The following SEPTIN7 variants were observed in gnomAD, a reference collection of about 807,000 sequenced individuals.
SEPTIN7 encodes septin-7.
Under a neutral mutation model 63.3 loss-of-function variants are expected in SEPTIN7, and 10 were observed. The ratio of observed to expected loss-of-function variants is 0.16; its 90% CI spans 0.10 to 0.27. The LOEUF is 0.27. Among genes scored for constraint, SEPTIN7 ranks in the 10% least tolerant of loss-of-function variants. SEPTIN7 has a pLI of 1.00. For synonymous variants in SEPTIN7, 131 were observed against 165.3 expected, an observed-to-expected ratio of 0.79 and a Z score of 1.59; for missense variants, 310 against 521.0, an observed-to-expected ratio of 0.59 and a Z score of 3.94.
rs1182500220 is a variant in SEPTIN7 at position 35,906,760 on chromosome 7, A to G, written c.*2467A>G. On this transcript the variant is annotated 3_prime_UTR_variant, in exon 14 of 14. Coordinates refer to ENST00000350320, the MANE Select transcript of SEPTIN7 (RefSeq NM_001788.6). Reference sequence around the variant, plus strand: ...GGAGATACCCATGCCTCTCAGACTCATTAGCTGGGTGTCACATTACCACCT... The same window carrying G: ...GGAGATACCCATGCCTCTCAGACTCGTTAGCTGGGTGTCACATTACCACCT... The G allele has an allele frequency of 2.0e-5, 3 of 152,204 alleles. No individual in the cohort carries two copies. In the East Asian group the frequency reaches 5.8e-4, roughly 29 times the overall value. The allele number at this position is 152,204 out of a possible 1,614,324, so 9.4% of individuals were successfully genotyped here. A position where few individuals can be genotyped will look rare whatever the true frequency, so the allele number is the denominator to read the frequency against.
chr7:35,869,410 A>G (rs1160979428), intron 4 of SEPTIN7, among the ~76,000 whole-genome samples: 1 of 152,196 alleles, frequency 6.6e-6, no homozygotes, highest in Admixed American at 6.5e-5. Context: ...AATAAGCAAA[A>G]TAGATAGTTT....
intron 9 of SEPTIN7, among the ~76,000 whole-genome samples, chr7:35,884,282 A>C (rs1787086474): frequency 6.6e-6 from 1 of 152,174 alleles, no homozygotes; most frequent in African/African-American, 2.4e-5. Flanking sequence ...AAACGTTTTG[A>C]GCACTGACAT....
At chr7:35,913,010 T>C in the SEPTIN7 span, among the ~76,000 whole-genome samples, 7 of 152,208 alleles carry the variant, frequency 4.6e-5, no homozygotes, top group African/African-American at 1.7e-4. Context: ...CAGGGAGCAC[T>C]GTAGTGGAAA....
At position 35,890,556 on chromosome 7, in the gene SEPTIN7, T is replaced by C. The variant is rs1015062906; in HGVS notation, c.873-112T>C. ...CCTTAACAATAGTCTTTTGTTCATT[T>C]TAAATCTGAAATTTTTGTTTTGGTA... On this transcript the variant is annotated intron_variant, in intron 10 of 13. Coordinates refer to ENST00000350320, the MANE Select transcript of SEPTIN7 (RefSeq NM_001788.6). 17 of 944,558 alleles carry C rather than the reference T, an allele frequency of 1.8e-5. No individual in the cohort carries two copies. The African/African-American group carries it at 2.9e-4, about 16-fold the overall frequency. The allele number at this position is 944,558 out of a possible 1,614,324, so 58.5% of individuals were successfully genotyped here. A position where few individuals can be genotyped will look rare whatever the true frequency, so the allele number is the denominator to read the frequency against.
intron 6 of SEPTIN7, among the ~76,000 whole-genome samples, chr7:35,875,496 G>T (rs1786417531): frequency 6.6e-6 from 1 of 152,116 alleles, no homozygotes; most frequent in Non-Finnish European, 1.5e-5. Flanking sequence ...TTTTTGGAGG[G>T]ATTTGTTTTT....
At chr7:35,899,894 A>G (rs547146286) in intron 12 of SEPTIN7, 2 of 152,248 alleles carry the variant, frequency 1.3e-5, no homozygotes, top group East Asian at 1.9e-4. Flanking sequence ...AAAATTATAT[A>G]CATATATATA....
At chr7:35,881,268 C>G (rs1329873583) in intron 7 of SEPTIN7, among the ~76,000 whole-genome samples, 1 of 151,664 alleles carries the variant, frequency 6.6e-6, no homozygotes, top group Admixed American at 6.6e-5. Context: ...GTTTCAAACA[C>G]TATCATATAA....
Position 35,822,723 on chromosome 7 carries a change from G to GT in SEPTIN7, c.62-8767dup, listed in dbSNP as rs370353498. ...TGGGATATTTATAATTGCATATGTGGTTACCTAATATTTCCATGATACAAC... is the reference window on the plus strand; with the variant it reads ...TGGGATATTTATAATTGCATATGTGGTTTACCTAATATTTCCATGATACAAC... On this transcript the variant is annotated intron_variant, in intron 1 of 13. Coordinates refer to ENST00000350320, the MANE Select transcript of SEPTIN7 (RefSeq NM_001788.6). 2.6e-4 allele frequency among the ~76,000 whole-genome samples: 40 copies of GT among 152,286 alleles called. No individual in the cohort carries two copies. In the East Asian group the frequency reaches 7.7e-3, roughly 29 times the overall value.
intron 1 of SEPTIN7, among the ~76,000 whole-genome samples, chr7:35,822,271 A>G (rs1229943458): frequency 6.7e-6 from 1 of 149,940 alleles, no homozygotes; most frequent in Non-Finnish European, 1.5e-5. Context: ...CATGTTGCCC[A>G]GGGTGGTCTT....
At position 35,880,142 on chromosome 7, in the gene SEPTIN7, CCCA is replaced by C. The variant is rs534968662; in HGVS notation, c.630+204_630+206del. Among the ~76,000 whole-genome samples, 233 of 151,178 alleles carry C rather than the reference CCCA, an allele frequency of 1.5e-3. 2 individuals carry two copies. The highest frequency in any genetic ancestry group is 5.5e-3 in the African/African-American group (227 of 41,196). ...GTTTTAAGTGTTCTGTAATAACACCCCCACACAGACAATTTCTCCCCATACTCT... is the reference window on the plus strand; with the variant it reads ...GTTTTAAGTGTTCTGTAATAACACCCCACAGACAATTTCTCCCCATACTCT... On this transcript the variant is annotated intron_variant, in intron 7 of 13. Transcript: ENST00000350320.
intron 12 of SEPTIN7, chr7:35,902,858 T>A: frequency 1.8e-6 from 1 of 542,548 alleles, no homozygotes; most frequent in Non-Finnish European, 2.8e-6. Context: ...TTTTTTCCTG[T>A]TTCCCAAGAT....
chr7:35,850,817 G>C (rs1356069973), intron 3 of SEPTIN7, among the ~76,000 whole-genome samples: 1 of 151,946 alleles, frequency 6.6e-6, no homozygotes. Context: ...TGCATTCCTC[G>C]TTCATTTATT....
intron 1 of SEPTIN7, chr7:35,811,970 CA>C: frequency 2.3e-5 from 4 of 177,678 alleles, no homozygotes; most frequent in South Asian, 7.5e-5. Context: ...AAAAAACAAA[CA>C]AAAAAATTAG....
intron 3 of SEPTIN7, among the ~76,000 whole-genome samples, chr7:35,843,913 G>T (rs1393651268): frequency 6.6e-6 from 1 of 152,136 alleles, no homozygotes. Flanking sequence ...CAAATGTGAA[G>T]ATTTGATTGT....
intron 11 of SEPTIN7, among the ~76,000 whole-genome samples, chr7:35,893,100 T>G (rs1216895364): frequency 6.6e-6 from 1 of 152,176 alleles, no homozygotes; most frequent in Admixed American, 6.5e-5. Flanking sequence ...CTTTAGCTGA[T>G]GTAAGGTGCT....
chr7:35,840,745 C>T (rs911376103), intron 3 of SEPTIN7, among the ~76,000 whole-genome samples: 2 of 151,802 alleles, frequency 1.3e-5, no homozygotes, highest in Non-Finnish European at 2.9e-5. Context: ...TTTAAAGGTA[C>T]ATGAATACAC....
At chr7:35,887,537 G>A (rs973040290) in intron 10 of SEPTIN7, among the ~76,000 whole-genome samples, 5 of 152,210 alleles carry the variant, frequency 3.3e-5, no homozygotes, top group African/African-American at 9.6e-5. Flanking sequence ...AGTAGAGACA[G>A]GGTTTCACCG....
At chr7:35,823,373 G>A (rs1158075426) in intron 1 of SEPTIN7, among the ~76,000 whole-genome samples, 7 of 151,998 alleles carry the variant, frequency 4.6e-5, no homozygotes, top group Non-Finnish European at 7.4e-5. Flanking sequence ...GGCTAATTTT[G>A]TATTTTTAGT....
intron 10 of SEPTIN7, among the ~76,000 whole-genome samples, chr7:35,888,144 A>G (rs1363834466): frequency 2.0e-5 from 3 of 152,222 alleles, no homozygotes; most frequent in African/African-American, 4.8e-5. Context: ...GAGAACAGAA[A>G]GAGTTACGAT....
Sources: gnomAD v4.1 joint callset for allele counts (sites outside exome capture counted in the v4.1 genomes callset) on GRCh38, gnomAD v4.1.1 for gene constraint, MANE v1.5 for transcripts, NCBI Gene and HGNC (gene_info 2026-07-23, HGNC 2026-07-21) for gene names.